The following NOVA1 variants were observed in gnomAD, a reference collection of about 807,000 sequenced individuals.
NOVA1 encodes NOVA alternative splicing regulator 1, also known as RNA-binding protein Nova-1.
Under a neutral mutation model 38.0 loss-of-function variants are expected in NOVA1, and 7 were observed. The ratio of observed to expected loss-of-function variants is 0.18; its 90% CI spans 0.10 to 0.35. The LOEUF (loss-of-function observed/expected upper bound fraction) is 0.35. NOVA1 is among the 10% of genes least tolerant of loss of function. The pLI is 1.00. For synonymous variants in NOVA1, 270 were observed against 232.5 expected, an observed-to-expected ratio of 1.16 and a Z score of -1.47; for missense variants, 460 against 616.0, an observed-to-expected ratio of 0.75 and a Z score of 2.68.
At chr14:26,464,854 T>A (rs912112658) in intron 4 of NOVA1, among the ~76,000 whole-genome samples, 1 of 152,168 alleles carries the variant, frequency 6.6e-6, no homozygotes. Flanking sequence ...CAGGCCTTTA[T>A]ATAAAAATTG....
intron 2 of NOVA1, among the ~76,000 whole-genome samples, chr14:26,552,956 T>G (rs1431330539): frequency 6.6e-6 from 1 of 152,118 alleles, no homozygotes; most frequent in African/African-American, 2.4e-5. Context: ...TAACCTGCAG[T>G]CAGATCACCT....
chr14:26,568,356 G>T (rs2138710046), intron 2 of NOVA1: 1 of 152,244 alleles, frequency 6.6e-6, no homozygotes, highest in South Asian at 2.1e-4. Context: ...CATGGACTCT[G>T]GAGTCAGACA....
chr14:26,448,571 T>C lies in NOVA1; in HGVS notation c.912A>G (p.Leu304=), dbSNP rs1215991654. 1.9e-6 allele frequency: 3 copies of C among 1,614,110 alleles called. No homozygotes were observed. The highest frequency in any genetic ancestry group is 2.5e-6 in the Non-Finnish European group (3 of 1,180,050). Residue 304 remains leucine, a synonymous_variant, in exon 5 of 5, where the codon TTA becomes TTG. Transcript: ENST00000539517. This position sits in a 1 kb window ranked among gnomAD's most constrained non-coding sequence, Gnocchi z 5.3. ...LAGVAAFPAV[L]SGFTGNDLVA... is the part of the protein sequence containing the mutation. Reference sequence around the variant, plus strand: ...CCAGGTCATTGCCTGTGAAGCCAGATAAAACTGCTGGAAAGGCTGCAACGC... The same window carrying C: ...CCAGGTCATTGCCTGTGAAGCCAGACAAAACTGCTGGAAAGGCTGCAACGC...
At chr14:26,502,185 C>G (rs1486233575) in intron 2 of NOVA1, among the ~76,000 whole-genome samples, 1 of 151,604 alleles carries the variant, frequency 6.6e-6, no homozygotes. Context: ...TTTACAGACC[C>G]TGATGTTGGA....
intron 2 of NOVA1, among the ~76,000 whole-genome samples, chr14:26,496,165 C>T (rs1352941314): frequency 4.0e-5 from 6 of 151,068 alleles, no homozygotes. Context: ...CCTGTTGTTT[C>T]CTGACTTTTT....
intron 3 of NOVA1, among the ~76,000 whole-genome samples, chr14:26,474,845 A>C (rs1884851729): frequency 6.6e-6 from 1 of 152,030 alleles, no homozygotes; most frequent in South Asian, 2.1e-4. Flanking sequence ...AATGAAATAA[A>C]GATGTGACAA....
At chr14:26,538,431 A>T (rs1461452748) in intron 2 of NOVA1, among the ~76,000 whole-genome samples, 1 of 152,188 alleles carries the variant, frequency 6.6e-6, no homozygotes, top group Non-Finnish European at 1.5e-5. Context: ...TAGATGTGTA[A>T]TTTAAAAAAT....
At chr14:26,457,671 C>T (rs1883295052) in intron 4 of NOVA1, among the ~76,000 whole-genome samples, 1 of 152,036 alleles carries the variant, frequency 6.6e-6, no homozygotes, top group Non-Finnish European at 1.5e-5. Flanking sequence ...CTACACTATA[C>T]TTCTTATCAT....
rs1364492199 is a variant in NOVA1, at chr14:26,447,586, CAACCT to C, written c.*368_*372del. The C allele has an allele frequency of 4.7e-6, 1 of 214,896 alleles. No homozygotes were observed. The highest frequency in any genetic ancestry group is 2.3e-5 in the African/African-American group (1 of 43,520). The allele number at this position is 214,896 out of a possible 1,614,324, so 13.3% of individuals were successfully genotyped here. ...TTTAGGTCACTGACCCCACCATACT[CAACCT>C]AACAGTAGTTAATTTAGTGTTATCT... On this transcript the variant is annotated 3_prime_UTR_variant, in exon 5 of 5. Coordinates refer to ENST00000539517, the MANE Select transcript of NOVA1 (RefSeq NM_002515.3).
intron 2 of NOVA1, among the ~76,000 whole-genome samples, chr14:26,584,104 C>T (rs1893380538): frequency 6.6e-6 from 1 of 151,492 alleles, no homozygotes. Flanking sequence ...CCACATATAG[C>T]AAAACATTCT....
At position 26,547,154 on chromosome 14, in the gene NOVA1, A is replaced by T. The variant is rs142481158; in HGVS notation, c.280+48256T>A. ...TTTCCTTAAAGTTTAATTATTCATA[A>T]CCTATAATTTATTTCTGAATTCCAA... On this transcript the variant is annotated intron_variant, in intron 2 of 4. Coordinates refer to ENST00000539517, the MANE Select transcript of NOVA1 (RefSeq NM_002515.3). Among the ~76,000 whole-genome samples, 381 of 152,318 alleles carry T rather than the reference A, an allele frequency of 2.5e-3. 1 individual carries two copies. The highest frequency in any genetic ancestry group is 8.7e-3 in the African/African-American group (360 of 41,572).
At chr14:26,477,141 T>TA (rs1352582586) in intron 3 of NOVA1, among the ~76,000 whole-genome samples, 1 of 151,872 alleles carries the variant, frequency 6.6e-6, no homozygotes, top group African/African-American at 2.4e-5. Flanking sequence ...CAGTTTAGTA[T>TA]ATTTTGCTAC....
At chr14:26,474,532 G>A (rs983300784) in intron 3 of NOVA1, among the ~76,000 whole-genome samples, 7 of 151,588 alleles carry the variant, frequency 4.6e-5, no homozygotes, top group Non-Finnish European at 8.8e-5. Context: ...TAAAATATTG[G>A]ACATGTATTA....
intron 2 of NOVA1, among the ~76,000 whole-genome samples, chr14:26,591,171 C>G (rs925408610): frequency 2.0e-5 from 3 of 151,180 alleles, no homozygotes; most frequent in African/African-American, 7.3e-5. Context: ...AAAATTAAAC[C>G]AAAATACAGC....
At chr14:26,523,459 T>C (rs962394087) in intron 2 of NOVA1, among the ~76,000 whole-genome samples, 4 of 152,216 alleles carry the variant, frequency 2.6e-5, no homozygotes, top group African/African-American at 9.6e-5. Flanking sequence ...ATGATGAATA[T>C]GTACTGCTAA....
chr14:26,451,946 T>A (rs1229141600), intron 4 of NOVA1, among the ~76,000 whole-genome samples: 2 of 152,170 alleles, frequency 1.3e-5, no homozygotes, highest in Admixed American at 1.3e-4. Context: ...AAACTAAAGA[T>A]GTGTTATGAC....
chr14:26,581,995 A>G (rs1368079440), intron 2 of NOVA1, among the ~76,000 whole-genome samples: 1 of 151,866 alleles, frequency 6.6e-6, no homozygotes, highest in East Asian at 1.9e-4. Context: ...ATTAAGCCAT[A>G]ACTGATCAAC....
At chr14:26,450,124 T>C (rs919712395) in intron 4 of NOVA1, among the ~76,000 whole-genome samples, 2 of 152,132 alleles carry the variant, frequency 1.3e-5, no homozygotes, top group African/African-American at 4.8e-5. Context: ...GTTCCAGACA[T>C]TAAAATGGGC....
In NOVA1 at chr14:26,448,097, T is replaced by C; in HGVS notation, c.1386A>G (p.Glu462=). 1 of 1,614,200 alleles carries C rather than the reference T, an allele frequency of 6.2e-7. No homozygotes were observed. Residue 462 remains glutamate, a synonymous_variant, in exon 5 of 5, where the codon GAA becomes GAG. Coordinates refer to ENST00000539517, the MANE Select transcript of NOVA1 (RefSeq NM_002515.3). This position sits in a 1 kb window ranked among gnomAD's most constrained non-coding sequence, Gnocchi z 5.3. ...GARIQISKKG[E]FVPGTRNRKV... ...TCCGATTCCTTGTGCCAGGTACGAA[T>C]TCTCCTTTTTTGGAGATCTGTATCC...
Sources: gnomAD v4.1 joint callset for allele counts (sites outside exome capture counted in the v4.1 genomes callset) on GRCh38, gnomAD v4.1.1 for gene constraint, Gnocchi (gnomAD v3.1) non-coding constraint, MANE v1.5 for transcripts, NCBI Gene and HGNC (gene_info 2026-07-23, HGNC 2026-07-21) for gene names.